The following CHD9 variants were observed in gnomAD, a reference collection of about 807,000 sequenced individuals.
CHD9 encodes chromodomain helicase DNA binding protein 9.
CHD9 carries 77 observed loss-of-function variants against 316.1 expected under a neutral mutation model. The observed-to-expected ratio is 0.24, with a 90% confidence interval of 0.20 to 0.29. The LOEUF is 0.29. Among genes scored for constraint, CHD9 ranks in the 10% least tolerant of loss-of-function variants. The pLI is 1.00. For synonymous variants in CHD9, 1,129 were observed against 1,158.3 expected (o/e 0.97, Z 0.51); for missense variants, 2,763 against 3,438.1 (o/e 0.80, Z 4.91).
rs557198548 is a variant in CHD9, at chr16:53,232,144, C to T, written c.2511+360C>T. On this transcript the variant is annotated intron_variant, in intron 10 of 38. Transcript: ENST00000447540. ...TCTTACTTTATTTTCCAGTAATGTCCGTAGGCTGTTAACAAAAGCATATCA... is the reference window on the plus strand; with the variant it reads ...TCTTACTTTATTTTCCAGTAATGTCTGTAGGCTGTTAACAAAAGCATATCA... Among the ~76,000 whole-genome samples the T allele has an allele frequency of 6.5e-4, 99 of 152,026 alleles. 1 individual carries two copies. Among genetic ancestry groups the T allele is most frequent in the Non-Finnish European group, 1.0e-3 (68 of 67,994 alleles).
intron 1 of CHD9, among the ~76,000 whole-genome samples, chr16:53,106,172 T>A (rs1456760729): frequency 1.3e-5 from 2 of 152,216 alleles, no homozygotes; most frequent in Non-Finnish European, 2.9e-5. Flanking sequence ...CTGTTTCTCA[T>A]TATTCTCCTT....
intron 12 of CHD9, among the ~76,000 whole-genome samples, chr16:53,241,254 A>C (rs2049058547): frequency 6.6e-6 from 1 of 152,198 alleles, no homozygotes; most frequent in African/African-American, 2.4e-5. Context: ...CTTAGATTCC[A>C]AGACTTCATC....
At chr16:53,286,407 C>T in intron 26 of CHD9, 64 bp downstream of exon 26, 1 of 812,372 alleles carries the variant, frequency 1.2e-6, no homozygotes, top group South Asian at 1.5e-5. Flanking sequence ...TCAGCATATT[C>T]TATGTCACAC....
intron 25 of CHD9, 81 bp downstream of exon 25, chr16:53,285,780 T>TAA: frequency 1.5e-6 from 1 of 688,370 alleles, no homozygotes; most frequent in South Asian, 2.1e-5. Flanking sequence ...GATTTCCACT[T>TAA]ACAGCTTTAT....
chr16:53,146,609 C>A (rs967622352), intron 1 of CHD9, among the ~76,000 whole-genome samples: 1 of 149,414 alleles, frequency 6.7e-6, no homozygotes. Context: ...ACCAGCCTGG[C>A]CAACATAGCA....
chr16:53,250,106 A>C, intron 17 of CHD9, 40 bp downstream of exon 17: 1 of 1,458,234 alleles, frequency 6.9e-7, no homozygotes. Flanking sequence ...GCATTTTTTA[A>C]AAAAGTAAAA....
At chr16:53,287,741 A>G (rs893695835) in intron 26 of CHD9, among the ~76,000 whole-genome samples, 3 of 152,216 alleles carry the variant, frequency 2.0e-5, no homozygotes, top group East Asian at 1.9e-4. Context: ...AAAAATAAAA[A>G]TAAAAGTGAA....
chr16:53,261,782 C>T (rs1026600968), intron 19 of CHD9, among the ~76,000 whole-genome samples: 18 of 152,070 alleles, frequency 1.2e-4, no homozygotes, highest in African/African-American at 3.4e-4. Context: ...CATACTGTTT[C>T]GAAGCAAATC....
chr16:53,130,841 C>CT (rs1313238231), intron 1 of CHD9: 3 of 151,922 alleles, frequency 2.0e-5, no homozygotes, highest in African/African-American at 7.2e-5. Context: ...ACGACCGCCC[C>CT]TCCGCGCCCG....
chr16:53,056,782 A>G (rs921391679), intron 1 of CHD9, among the ~76,000 whole-genome samples: 10 of 152,212 alleles, frequency 6.6e-5, no homozygotes, highest in African/African-American at 2.4e-4. Context: ...GATGCTAGAG[A>G]TAAAATATGA....
chr16:53,316,551 C>T (rs1346977659), intron 36 of CHD9, among the ~76,000 whole-genome samples: 1 of 152,058 alleles, frequency 6.6e-6, no homozygotes, highest in Non-Finnish European at 1.5e-5. Flanking sequence ...ATTTTGAAAA[C>T]ATATTTTTAA....
At chr16:53,080,667 A>G (rs545166110) in intron 1 of CHD9, among the ~76,000 whole-genome samples, 2 of 152,298 alleles carry the variant, frequency 1.3e-5, no homozygotes, top group East Asian at 3.9e-4. Context: ...AGCGTAGTAA[A>G]TACCGTGACT....
intron 2 of CHD9, among the ~76,000 whole-genome samples, chr16:53,177,145 A>G (rs995894797): frequency 6.6e-6 from 1 of 152,112 alleles, no homozygotes; most frequent in Admixed American, 6.6e-5. Context: ...TCATAGAGAT[A>G]GGATTTCACC....
At chr16:53,120,114 C>T (rs2038625289) in intron 1 of CHD9, among the ~76,000 whole-genome samples, 1 of 151,908 alleles carries the variant, frequency 6.6e-6, no homozygotes, top group Non-Finnish European at 1.5e-5. Context: ...TGCCTGTAGT[C>T]CCAGCTATTC....
chr16:53,137,719 T>C (rs923319455), intron 1 of CHD9, among the ~76,000 whole-genome samples: 1 of 152,190 alleles, frequency 6.6e-6, no homozygotes, highest in African/African-American at 2.4e-5. Context: ...AATATAAACA[T>C]TTTTGGTTCA....
intron 1 of CHD9, among the ~76,000 whole-genome samples, chr16:53,092,951 G>A (rs2036076249): frequency 6.6e-6 from 1 of 152,020 alleles, no homozygotes; most frequent in Non-Finnish European, 1.5e-5. Flanking sequence ...GCTAATTTTT[G>A]CATTCTTTGT....
chr16:53,280,003 A>G (rs143570015), intron 24 of CHD9, among the ~76,000 whole-genome samples: 6 of 152,300 alleles, frequency 3.9e-5, no homozygotes, highest in African/African-American at 1.4e-4. Flanking sequence ...GAATGGTCAT[A>G]ATCAAAAAAT....
intron 7 of CHD9, 67 bp from the exon 8 acceptor site, chr16:53,228,916 G>C (rs754859083): frequency 1.2e-4 from 89 of 723,830 alleles, no homozygotes; most frequent in Middle Eastern, 3.3e-4. Flanking sequence ...TGGATGTTAT[G>C]ATTTAAAATA....
At chr16:53,215,177 A>G (rs1482157129) in intron 3 of CHD9, among the ~76,000 whole-genome samples, 2 of 152,158 alleles carry the variant, frequency 1.3e-5, no homozygotes, top group East Asian at 3.8e-4. Flanking sequence ...CGGCCTCCCA[A>G]AGTGCTGGGA....
Sources: gnomAD v4.1 joint callset for allele counts (sites outside exome capture counted in the v4.1 genomes callset) on GRCh38, gnomAD v4.1.1 for gene constraint, MANE v1.5 for transcripts, NCBI Gene and HGNC (gene_info 2026-07-23, HGNC 2026-07-21) for gene names.